The following ZBTB20 variants were observed in gnomAD, a reference collection of about 807,000 sequenced individuals.
The protein encoded by ZBTB20 is zinc finger and BTB domain-containing protein 20.
ZBTB20 carries 9 observed loss-of-function variants against 56.9 expected under a neutral mutation model. The observed-to-expected ratio is 0.16, with a 90% CI of 0.10 to 0.28. ZBTB20 has a LOEUF of 0.28. Ranked by LOEUF, ZBTB20 falls within the 10% of genes least tolerant of loss-of-function variation. ZBTB20 has a pLI of 1.00. For missense variants in ZBTB20, 655 were observed against 1,003.0 expected (o/e 0.65, Z 4.69); for synonymous variants, 417 against 420.7 (o/e 0.99, Z 0.11).
At chr3:114,379,766 T>C (rs2084089286) in intron 10 of ZBTB20, among the ~76,000 whole-genome samples, 1 of 152,208 alleles carries the variant, frequency 6.6e-6, no homozygotes, top group Admixed American at 6.5e-5. Flanking sequence ...AGACAGAAAT[T>C]CAGCCAAGCT....
intron 4 of ZBTB20, among the ~76,000 whole-genome samples, chr3:114,883,936 T>TTTTTA: frequency 1.1e-5 from 1 of 89,794 alleles, no homozygotes; most frequent in African/African-American, 3.8e-5. Flanking sequence ...TTTTTTTTTT[T>TTTTTA]TTTTTTTGAG....
chr3:115,145,872 A>G (rs1023730234), intron 1 of ZBTB20, among the ~76,000 whole-genome samples: 1 of 152,246 alleles, frequency 6.6e-6, no homozygotes, highest in Non-Finnish European at 1.5e-5. Flanking sequence ...TTCAATGGCA[A>G]CAAGTTACAA....
chr3:115,084,140 T>C (rs998037932), intron 1 of ZBTB20, among the ~76,000 whole-genome samples: 2 of 151,746 alleles, frequency 1.3e-5, no homozygotes, highest in African/African-American at 2.4e-5. Flanking sequence ...AATTTCCAGT[T>C]TACCATAACA....
chr3:114,729,845 C>T (rs2065597304), intron 5 of ZBTB20, among the ~76,000 whole-genome samples: 1 of 151,764 alleles, frequency 6.6e-6, no homozygotes, highest in Non-Finnish European at 1.5e-5. Flanking sequence ...ACTCTGTCAC[C>T]CAAGCTGGAG....
chr3:114,855,757 C>G (rs2075223106), intron 4 of ZBTB20, among the ~76,000 whole-genome samples: 1 of 152,148 alleles, frequency 6.6e-6, no homozygotes, highest in Non-Finnish European at 1.5e-5. Flanking sequence ...TGGGGAGCAG[C>G]AGGAGAAGGC....
chr3:115,098,748 G>T lies in ZBTB20; in HGVS notation c.-702-27334C>A, dbSNP rs533836229. Among the ~76,000 whole-genome samples, 251 of 152,282 alleles carry T rather than the reference G, an allele frequency of 1.6e-3. 1 individual carries two copies. Among genetic ancestry groups the T allele is most frequent in the Middle Eastern group, 3.4e-3 (1 of 294 alleles). On this transcript the variant is annotated intron_variant, in intron 1 of 11. Coordinates refer to ENST00000675478, the MANE Select transcript of ZBTB20 (RefSeq NM_001348800.3). ...TTTACTAGGTTTGAACCTTGAGAAT[G>T]TGTTTGGGAATCTGCTCTAGTGTCC...
chr3:115,015,512 C>T (rs2079913697), intron 2 of ZBTB20, among the ~76,000 whole-genome samples: 1 of 151,652 alleles, frequency 6.6e-6, no homozygotes, highest in Admixed American at 6.6e-5. Flanking sequence ...GTCCCCCTCC[C>T]CATGTGTCCA....
intron 2 of ZBTB20, among the ~76,000 whole-genome samples, chr3:115,013,908 A>ATGTGTGTG (rs35762117): frequency 2.2e-4 from 33 of 147,850 alleles, no homozygotes; most frequent in African/African-American, 5.9e-4. Flanking sequence ...CAATCCCTAT[A>ATGTGTGTG]TGTGTGTGTG....
At chr3:114,969,452 T>C (rs1238792636) in intron 3 of ZBTB20, among the ~76,000 whole-genome samples, 5 of 152,004 alleles carry the variant, frequency 3.3e-5, no homozygotes, top group Admixed American at 3.3e-4. Flanking sequence ...TTAAAACAGA[T>C]GAAAAATGAA....
intron 5 of ZBTB20, among the ~76,000 whole-genome samples, chr3:114,761,704 G>GA (rs1434544004): frequency 6.6e-6 from 1 of 151,840 alleles, no homozygotes; most frequent in Non-Finnish European, 1.5e-5. Flanking sequence ...GGTGGTGGCA[G>GA]AAAGCTGTAA....
chr3:115,085,880 AG>A (rs1447038605), intron 1 of ZBTB20, among the ~76,000 whole-genome samples: 2 of 151,902 alleles, frequency 1.3e-5, no homozygotes, highest in Non-Finnish European at 2.9e-5. Flanking sequence ...ACAAACATGA[AG>A]CTGAGTATTT....
intron 7 of ZBTB20, among the ~76,000 whole-genome samples, chr3:114,478,841 T>G (rs2041177457): frequency 6.6e-6 from 1 of 152,120 alleles, no homozygotes. Context: ...CCAAATTAAG[T>G]ATTTTATTCT....
intron 6 of ZBTB20, among the ~76,000 whole-genome samples, chr3:114,543,697 T>A (rs940366511): frequency 1.2e-4 from 18 of 152,226 alleles, no homozygotes; most frequent in Non-Finnish European, 2.2e-4. Flanking sequence ...CTTAACAACA[T>A]TGGCATATAT....
chr3:114,535,150 C>A (rs1048725319), intron 6 of ZBTB20, among the ~76,000 whole-genome samples: 4 of 151,938 alleles, frequency 2.6e-5, no homozygotes, highest in African/African-American at 9.7e-5. Context: ...CAGAGCAGAA[C>A]TGAAGGAGAT....
chr3:115,010,581 G>C (rs957675938), intron 2 of ZBTB20, among the ~76,000 whole-genome samples: 7 of 151,958 alleles, frequency 4.6e-5, no homozygotes, highest in Non-Finnish European at 1.0e-4. Context: ...AAGAACCACA[G>C]TGTTATTAGG....
chr3:114,352,095 G>T, intron 10 of ZBTB20: 2 of 597,982 alleles, frequency 3.3e-6, no homozygotes, highest in South Asian at 5.0e-5. Context: ...CCGGCCTTTA[G>T]TGCCGCAGCC....
At chr3:115,052,638 C>G (rs1433703380) in intron 2 of ZBTB20, among the ~76,000 whole-genome samples, 1 of 152,078 alleles carries the variant, frequency 6.6e-6, no homozygotes, top group Non-Finnish European at 1.5e-5. Flanking sequence ...AGTTTTCATT[C>G]CTATCACTGA....
At chr3:114,748,339 T>C (rs371610783) in intron 5 of ZBTB20, among the ~76,000 whole-genome samples, 1,342 of 108,828 alleles carry the variant, frequency 0.012, 7 homozygotes, top group Admixed American at 0.016. Flanking sequence ...TCTTTCTTCT[T>C]TCTTTCTTTC....
At chr3:114,949,929 G>A (rs751848506) in intron 3 of ZBTB20, among the ~76,000 whole-genome samples, 34 of 152,008 alleles carry the variant, frequency 2.2e-4, no homozygotes, top group Admixed American at 3.9e-4. Context: ...ACTGGAAAAT[G>A]GACAATACCT....
Sources: gnomAD v4.1 joint callset for allele counts (sites outside exome capture counted in the v4.1 genomes callset) on GRCh38, gnomAD v4.1.1 for gene constraint, MANE v1.5 for transcripts, NCBI Gene and HGNC (gene_info 2026-07-23, HGNC 2026-07-21) for gene names.